The following PPFIA2 variants were observed in gnomAD, a reference collection of about 807,000 sequenced individuals.
PPFIA2 encodes PPFI scaffold protein A2.
Under a neutral mutation model 175.5 loss-of-function variants are expected in PPFIA2, and 46 were observed. The ratio of observed to expected loss-of-function variants is 0.26; its 90% CI spans 0.21 to 0.34. The LOEUF is 0.34. Among genes scored for constraint, PPFIA2 ranks in the 10% least tolerant of loss-of-function variants. PPFIA2 has a pLI of 1.00. For missense variants in PPFIA2, 1,179 were observed against 1,506.1 expected, an observed-to-expected ratio of 0.78 and a Z score of 3.60; for synonymous variants, 568 against 511.4, an observed-to-expected ratio of 1.11 and a Z score of -1.49.
chr12:81,488,185 G>T (rs2059040707), intron 4 of PPFIA2, among the ~76,000 whole-genome samples: 1 of 151,730 alleles, frequency 6.6e-6, no homozygotes, highest in African/African-American at 2.4e-5. Flanking sequence ...TGCCTTTGGA[G>T]AATAGAATCA....
At chr12:81,661,002 G>C (rs1473295569) in intron 4 of PPFIA2, among the ~76,000 whole-genome samples, 1 of 152,136 alleles carries the variant, frequency 6.6e-6, no homozygotes, top group African/African-American at 2.4e-5. Flanking sequence ...AATGCTGAGA[G>C]ATTTTGTCAC....
chr12:81,668,987 G>A (rs1390013599), intron 4 of PPFIA2, among the ~76,000 whole-genome samples: 1 of 151,922 alleles, frequency 6.6e-6, no homozygotes. Flanking sequence ...GGCATACTAT[G>A]TGCCAGCGTT....
chr12:81,359,740 T>TTA (rs2061353659), intron 15 of PPFIA2, among the ~76,000 whole-genome samples: 1 of 151,906 alleles, frequency 6.6e-6, no homozygotes, highest in South Asian at 2.1e-4. Context: ...GTTTCTAACA[T>TTA]TATAACTCAT....
At chr12:81,308,362 C>T (rs182337250) in intron 22 of PPFIA2, among the ~76,000 whole-genome samples, 1 of 152,138 alleles carries the variant, frequency 6.6e-6, no homozygotes, top group African/African-American at 2.4e-5. Context: ...CATAATAATC[C>T]AATAAGATAC....
At chr12:81,755,541 T>G (rs2084504003) in intron 2 of PPFIA2, among the ~76,000 whole-genome samples, 1 of 152,212 alleles carries the variant, frequency 6.6e-6, no homozygotes, top group Admixed American at 6.5e-5. Context: ...AACAGCTCAA[T>G]ATTTAATTAC....
intron 3 of PPFIA2, among the ~76,000 whole-genome samples, chr12:81,738,114 T>TA (rs201610747): frequency 5.7e-4 from 81 of 141,902 alleles, no homozygotes; most frequent in African/African-American, 8.0e-4. Context: ...CCAAAAAGAT[T>TA]AAAAAAAAAA....
intron 4 of PPFIA2, among the ~76,000 whole-genome samples, chr12:81,480,205 A>G (rs1370537466): frequency 6.6e-6 from 1 of 151,880 alleles, no homozygotes; most frequent in African/African-American, 2.4e-5. Context: ...CGATTTCACT[A>G]TTGATACTTG....
At chr12:81,347,917 T>C (rs2059344205) in intron 17 of PPFIA2, 147 bp from the exon 18 acceptor site, 2 of 1,293,492 alleles carry the variant, frequency 1.5e-6, no homozygotes, top group African/African-American at 3.1e-5. Flanking sequence ...TCATCTTTTT[T>C]TTTTCTCTAA....
At chr12:81,375,683 T>C (rs1263280906) in intron 10 of PPFIA2, 113 bp downstream of exon 10, 1 of 1,108,250 alleles carries the variant, frequency 9.0e-7, no homozygotes, top group Admixed American at 2.4e-5. Context: ...TTTCAAATTT[T>C]AGAGAATGAT....
chr12:81,275,443 A>T (rs1203442830), intron 28 of PPFIA2, among the ~76,000 whole-genome samples: 2 of 152,228 alleles, frequency 1.3e-5, no homozygotes, highest in African/African-American at 4.8e-5. Context: ...GACCTGACAA[A>T]GATAAAAGTA....
At chr12:81,402,335 A>G (rs1426793271) in intron 8 of PPFIA2, among the ~76,000 whole-genome samples, 1 of 148,462 alleles carries the variant, frequency 6.7e-6, no homozygotes, top group Non-Finnish European at 1.5e-5. Context: ...CCTTTTTAAA[A>G]GTTCTCAATA....
At position 81,296,339 on chromosome 12, in the gene PPFIA2, T is replaced by C. The variant is rs1442656912; in HGVS notation, c.2725-1304A>G. Among the ~76,000 whole-genome samples the C allele has an allele frequency of 5.3e-5, 8 of 152,068 alleles. No homozygotes were observed. In the East Asian group the frequency reaches 1.5e-3, roughly 29 times the overall value. ...GTCTCAAAAAAGAAAAGAAATTAGA[T>C]ATTTTGATTTTTCAACTTTGCTGTG... On this transcript the variant is annotated intron_variant, in intron 23 of 32. Coordinates refer to ENST00000549396, the MANE Select transcript of PPFIA2 (RefSeq NM_003625.5).
chr12:81,310,534 CAG>C (rs1288935803), intron 22 of PPFIA2, among the ~76,000 whole-genome samples: 9 of 152,036 alleles, frequency 5.9e-5, no homozygotes, highest in African/African-American at 1.9e-4. Flanking sequence ...AATAAGGACT[CAG>C]GGGAATTAAG....
chr12:81,558,653 G>T (rs567720285), intron 4 of PPFIA2, among the ~76,000 whole-genome samples: 1 of 152,224 alleles, frequency 6.6e-6, no homozygotes, highest in South Asian at 2.1e-4. Context: ...CAAAGGATTT[G>T]TTTAGGAGGA....
At chr12:81,346,086 A>G (rs563495712) in intron 18 of PPFIA2, among the ~76,000 whole-genome samples, 20 of 152,320 alleles carry the variant, frequency 1.3e-4, no homozygotes, top group Non-Finnish European at 2.4e-4. Flanking sequence ...TTTCTTTTAC[A>G]TAAGTTTTAT....
rs576062790 is a variant in PPFIA2, at chr12:81,654,099, A to T, written c.303+22692T>A. Among the ~76,000 whole-genome samples the T allele has an allele frequency of 3.5e-4, 53 of 151,384 alleles. 1 individual carries two copies. The highest frequency in any genetic ancestry group is 6.2e-4 in the South Asian group (3 of 4,802). On this transcript the variant is annotated intron_variant, in intron 4 of 32. Transcript: ENST00000549396. ...AGTATTCAAGGAATGGAAAAAAATT[A>T]AAAAAAAATCATCTGTAGAATGAAA...
intron 4 of PPFIA2, among the ~76,000 whole-genome samples, chr12:81,560,203 G>T (rs555324081): frequency 1.7e-4 from 26 of 151,804 alleles, no homozygotes; most frequent in Non-Finnish European, 2.9e-4. Flanking sequence ...CAAAAGTACG[G>T]GCATGTCTTT....
At position 81,618,029 on chromosome 12, in the gene PPFIA2, T is replaced by G. The variant is rs941350389; in HGVS notation, c.303+58762A>C. ...TAAATCCTCCATTAAGTATGTTTTC[T>G]CAGGGCATTTGCAGTTGCTGATTTT... is the stretch of plus-strand genomic sequence containing the variant. On this transcript the variant is annotated intron_variant, in intron 4 of 32. Coordinates refer to ENST00000549396, the MANE Select transcript of PPFIA2 (RefSeq NM_003625.5). Among the ~76,000 whole-genome samples, 19 of 152,330 alleles carry G rather than the reference T, an allele frequency of 1.2e-4. 1 individual carries two copies. The highest frequency in any genetic ancestry group is 4.1e-4 in the South Asian group (2 of 4,828).
intron 22 of PPFIA2, among the ~76,000 whole-genome samples, chr12:81,322,870 A>C (rs1231620577): frequency 6.6e-6 from 1 of 152,190 alleles, no homozygotes; most frequent in African/African-American, 2.4e-5. Context: ...ATAATAAGAC[A>C]ATAGAGAGAA....
Sources: allele counts gnomAD v4.1 joint callset (sites outside exome capture counted in the v4.1 genomes callset), GRCh38; gene constraint gnomAD v4.1.1; transcripts MANE v1.5; gene names NCBI Gene and HGNC (gene_info 2026-07-23, HGNC 2026-07-21).